The following RAD18 variants were observed in gnomAD, a reference collection of about 807,000 sequenced individuals.
RAD18 encodes the protein E3 ubiquitin-protein ligase RAD18.
RAD18 carries 47 observed loss-of-function variants against 60.4 expected under a neutral mutation model. That is an observed-to-expected ratio of 0.78 (90% CI 0.62 to 0.99). The LOEUF (loss-of-function observed/expected upper bound fraction) is 0.99. RAD18 is among the 50% of genes least tolerant of loss of function. The pLI, the probability that RAD18 is intolerant of heterozygous loss-of-function variation, is 0.00. For missense variants in RAD18, 640 were observed against 593.3 expected (o/e 1.08, Z -0.82); for synonymous variants, 225 against 195.5 (o/e 1.15, Z -1.26).
intron 9 of RAD18, among the ~76,000 whole-genome samples, chr3:8,905,226 C>T (rs1348716911): frequency 1.3e-5 from 2 of 152,202 alleles, no homozygotes; most frequent in Non-Finnish European, 2.9e-5. Flanking sequence ...ACTAAGTACA[C>T]GTTCAATCAA....
intron 1 of RAD18, among the ~76,000 whole-genome samples, chr3:8,960,676 C>T (rs190177375): frequency 1.3e-5 from 2 of 152,338 alleles, no homozygotes; most frequent in African/African-American, 2.4e-5. Flanking sequence ...TCCACAGCAT[C>T]AGTATCCCAA....
At chr3:8,881,701 A>G (rs1939465884) in intron 12 of RAD18, among the ~76,000 whole-genome samples, 1 of 152,062 alleles carries the variant, frequency 6.6e-6, no homozygotes, top group Non-Finnish European at 1.5e-5. Flanking sequence ...TAGGAGTTTT[A>G]TGCTTCTGTT....
At chr3:8,925,479 G>A (rs1940417170) in intron 7 of RAD18, among the ~76,000 whole-genome samples, 1 of 152,212 alleles carries the variant, frequency 6.6e-6, no homozygotes, top group Admixed American at 6.5e-5. Flanking sequence ...TTCCACCAGA[G>A]GTACAAGGAG....
intron 4 of RAD18, among the ~76,000 whole-genome samples, chr3:8,943,066 C>A (rs969123060): frequency 7.9e-5 from 12 of 151,920 alleles, no homozygotes; most frequent in African/African-American, 1.2e-4. Flanking sequence ...AAACATTATA[C>A]CAGGCCTTGA....
intron 7 of RAD18, among the ~76,000 whole-genome samples, chr3:8,927,290 C>T (rs1167058229): frequency 2.0e-5 from 3 of 152,142 alleles, no homozygotes; most frequent in Non-Finnish European, 2.9e-5. Context: ...ATTTATGCAG[C>T]CAAAAGACAC....
chr3:8,920,283 AAAAAAAAAAAAAAAAG>A (rs1281805908), intron 7 of RAD18, among the ~76,000 whole-genome samples: 3 of 150,956 alleles, frequency 2.0e-5, no homozygotes, highest in Non-Finnish European at 4.4e-5. Context: ...CGTCTCAAAA[AAAAAAAAAAAAAAAAG>A]AAAAAGAAAA....
intron 12 of RAD18, among the ~76,000 whole-genome samples, chr3:8,882,367 C>T (rs1009738074): frequency 2.0e-5 from 3 of 152,192 alleles, no homozygotes; most frequent in African/African-American, 7.2e-5. Flanking sequence ...ACTAAAACCT[C>T]TACCTTACAG....
intron 3 of RAD18, among the ~76,000 whole-genome samples, chr3:8,947,968 T>C (rs1381105009): frequency 6.6e-6 from 1 of 152,212 alleles, no homozygotes; most frequent in Non-Finnish European, 1.5e-5. Flanking sequence ...AGACCTCACT[T>C]GTCTCTTCTT....
At chr3:8,884,983 C>T (rs6779766) in intron 12 of RAD18, among the ~76,000 whole-genome samples, 5,807 of 152,268 alleles carry the variant, frequency 0.038, 149 homozygotes, top group African/African-American at 0.066. Context: ...AGCATGTTAG[C>T]CAGATGGGAG....
chr3:8,901,528 A>G (rs1239826807), intron 10 of RAD18, among the ~76,000 whole-genome samples: 2 of 152,246 alleles, frequency 1.3e-5, no homozygotes, highest in East Asian at 3.8e-4. Context: ...CATTATGCTT[A>G]GAGAAAGAAG....
At chr3:8,957,484 G>C (rs78525269) in intron 2 of RAD18, among the ~76,000 whole-genome samples, 2 of 152,296 alleles carry the variant, frequency 1.3e-5, no homozygotes, top group East Asian at 3.9e-4. Context: ...TATGAGTCTA[G>C]CATATAAGCA....
At chr3:8,950,589 C>T (rs1261247957) in intron 2 of RAD18, among the ~76,000 whole-genome samples, 1 of 152,096 alleles carries the variant, frequency 6.6e-6, no homozygotes, top group Non-Finnish European at 1.5e-5. Flanking sequence ...ACCTAAAGGC[C>T]TATTTACTGC....
Position 8,881,428 on chromosome 3 carries a change from T to C in RAD18, c.1417A>G (p.Arg473Gly). The C allele has an allele frequency of 6.2e-7, 1 of 1,612,210 alleles. No homozygotes were observed. The highest frequency in any genetic ancestry group is 8.5e-7 in the Non-Finnish European group (1 of 1,178,302). ...NDLQDTEISP[R>G]QNRRTRAAES... is the part of the protein sequence containing the mutation. ...GCGGCTCTTGTGCGGCGATTCTGTC[T>C]TGGACTTATTTCTGTGTCTTGAAGA... Residue 473 changes from arginine to glycine, a missense_variant, in exon 13 of 13, where the codon AGA becomes GGA. Transcript: ENST00000264926.
At chr3:8,887,194 G>C (rs1003219758) in intron 12 of RAD18, among the ~76,000 whole-genome samples, 1 of 152,170 alleles carries the variant, frequency 6.6e-6, no homozygotes, top group Non-Finnish European at 1.5e-5. Context: ...AATCTCTAGG[G>C]GTGGAGTTCA....
intron 11 of RAD18, among the ~76,000 whole-genome samples, chr3:8,891,901 T>C (rs936666257): frequency 1.3e-4 from 20 of 152,248 alleles, no homozygotes; most frequent in Admixed American, 1.2e-3. Flanking sequence ...CTTATTACCA[T>C]ATCTGCTCAA....
chr3:8,898,768 G>A, intron 11 of RAD18, 126 bp downstream of exon 11: 1 of 805,908 alleles, frequency 1.2e-6, no homozygotes, highest in Non-Finnish European at 1.8e-6. Flanking sequence ...AGTAAAAGGG[G>A]ACTGAAATGT....
At chr3:8,894,759 CT>C (rs71625397) in intron 11 of RAD18, among the ~76,000 whole-genome samples, 1,215 of 120,750 alleles carry the variant, frequency 0.01, 10 homozygotes, top group African/African-American at 0.036. Flanking sequence ...AGTTTAAGCG[CT>C]TTTTTTTTTT....
chr3:8,894,402 C>G (rs1378636590), intron 11 of RAD18, among the ~76,000 whole-genome samples: 2 of 152,196 alleles, frequency 1.3e-5, no homozygotes, highest in African/African-American at 2.4e-5. Flanking sequence ...ATTTACAAAG[C>G]ATTCACAATA....
At chr3:8,948,122 A>G (rs11719775) in intron 3 of RAD18, among the ~76,000 whole-genome samples, 20,482 of 152,248 alleles carry the variant, frequency 0.13, 1,523 homozygotes, top group African/African-American at 0.18. Flanking sequence ...AAGGGAACAG[A>G]TAGGCCGGAT....
Sources: allele counts gnomAD v4.1 joint callset (sites outside exome capture counted in the v4.1 genomes callset), GRCh38; gene constraint gnomAD v4.1.1; transcripts MANE v1.5; gene names NCBI Gene and HGNC (gene_info 2026-07-23, HGNC 2026-07-21).